DNM2: variants seen among roughly 807,000 people sequenced by gnomAD.
DNM2 encodes the protein dynamin-2.
A neutral mutation model predicts 99.0 loss-of-function variants in DNM2; 15 were observed. The observed-to-expected ratio is 0.15, with a 90% CI of 0.10 to 0.23. DNM2 has a LOEUF of 0.23. Ranked by LOEUF, DNM2 falls within the 10% of genes least tolerant of loss-of-function variation. The pLI, the probability that DNM2 is intolerant of heterozygous loss-of-function variation, is 1.00. For missense variants in DNM2, 742 were observed against 1,189.4 expected (o/e 0.62, Z 5.53); for synonymous variants, 525 against 481.2 (o/e 1.09, Z -1.19).
At chr19:10,771,149 A>G (rs2070963640) in intron 2 of DNM2, among the ~76,000 whole-genome samples, 1 of 152,154 alleles carries the variant, frequency 6.6e-6, no homozygotes, top group Admixed American at 6.5e-5. Flanking sequence ...CTTTGGGGAT[A>G]TCCCCTCCCC....
At chr19:10,724,121 AGGATC>A (rs1021186052) in intron 1 of DNM2, among the ~76,000 whole-genome samples, 1 of 144,862 alleles carries the variant, frequency 6.9e-6, no homozygotes, top group Non-Finnish European at 1.5e-5. Context: ...GATGGAAAAA[AGGATC>A]AAGGAGCAGG....
intron 7 of DNM2, among the ~76,000 whole-genome samples, chr19:10,787,808 A>T (rs1426067856): frequency 2.0e-5 from 3 of 151,440 alleles, no homozygotes; most frequent in Non-Finnish European, 4.4e-5. Context: ...ACATGCCTGT[A>T]ATCCCAGCTA....
chr19:10,831,533 C>G lies in DNM2; in HGVS notation c.*486C>G. On this transcript the variant is annotated 3_prime_UTR_variant, in exon 21 of 21. Coordinates refer to ENST00000389253, the MANE Select transcript of DNM2 (RefSeq NM_001005361.3). This position sits in a 1 kb window ranked among gnomAD's most constrained non-coding sequence, Gnocchi z 4.3. ...CTGGCCCAGTGGGCTCGGTAGTGCC[C>G]AGCTGGCAGGCCTGAGGTGTACATA... 1.0e-6 allele frequency: 1 copy of G among 986,874 alleles called. No homozygotes were observed. Among genetic ancestry groups the G allele is most frequent in the Non-Finnish European group, 1.2e-6 (1 of 830,656 alleles). 61.1% of individuals were successfully genotyped at this position (986,874 alleles called of 1,614,324 possible).
rs570774479 is a variant in DNM2, at chr19:10,831,232, A to C, written c.*185A>C. On this transcript the variant is annotated 3_prime_UTR_variant, in exon 21 of 21. Transcript: ENST00000389253. This position sits in a 1 kb window ranked among gnomAD's most constrained non-coding sequence, Gnocchi z 4.3. ...TGCCTGGCTGGACACCGCACTGCGCAAAGGGGCCCTGGAGCTCCAGGCAGG... is the reference window on the plus strand; with the variant it reads ...TGCCTGGCTGGACACCGCACTGCGCCAAGGGGCCCTGGAGCTCCAGGCAGG... The C allele has an allele frequency of 2.0e-3, 2,749 of 1,344,100 alleles. 2 individuals are homozygous for C. Among genetic ancestry groups the C allele is most frequent in the Non-Finnish European group, 2.4e-3 (2,527 of 1,052,122 alleles). The allele number at this position is 1,344,100 out of a possible 1,614,324, so 83.3% of individuals were successfully genotyped here.
intron 1 of DNM2, among the ~76,000 whole-genome samples, chr19:10,721,279 C>T (rs1191593137): frequency 6.6e-6 from 1 of 152,172 alleles, no homozygotes; most frequent in African/African-American, 2.4e-5. Flanking sequence ...ACCTCAGCCT[C>T]CCGAGTAGCT....
chr19:10,812,601 A>G lies in DNM2; in HGVS notation c.1671+224A>G, dbSNP rs1358898268. 6.6e-6 allele frequency among the ~76,000 whole-genome samples: 1 copy of G among 152,174 alleles called. No homozygotes were observed. Among genetic ancestry groups the G allele is most frequent in the Non-Finnish European group, 1.5e-5 (1 of 68,028 alleles). On this transcript the variant is annotated intron_variant, in intron 15 of 20. Coordinates refer to ENST00000389253, the MANE Select transcript of DNM2 (RefSeq NM_001005361.3). The surrounding 1 kb of genome is among the most constrained non-coding windows in gnomAD (Gnocchi z 4.0). ...CGGGAGTTTGAGACCAGCCTGGCCA[A>G]CATGATGAAACCCCGTCTCTACTAA...
chr19:10,827,524 G>A (rs1021608219), intron 18 of DNM2, among the ~76,000 whole-genome samples: 5 of 151,602 alleles, frequency 3.3e-5, no homozygotes, highest in African/African-American at 1.2e-4. Flanking sequence ...AGCAAAGATC[G>A]CTCCACTGCA....
At chr19:10,738,659 G>C (rs79349956) in intron 1 of DNM2, among the ~76,000 whole-genome samples, 15,776 of 151,366 alleles carry the variant, frequency 0.1, 1,266 homozygotes, top group East Asian at 0.37. Flanking sequence ...GTCAGGAGTT[G>C]AAGACCATCC....
At chr19:10,776,429 G>A (rs2071156706) in intron 4 of DNM2, among the ~76,000 whole-genome samples, 1 of 152,128 alleles carries the variant, frequency 6.6e-6, no homozygotes. Flanking sequence ...GAGCAGGAAG[G>A]GGCCCCAGGG....
At chr19:10,726,799 G>A (rs550400655) in intron 1 of DNM2, among the ~76,000 whole-genome samples, 2 of 152,270 alleles carry the variant, frequency 1.3e-5, no homozygotes, top group South Asian at 2.1e-4. Context: ...GGGGACGGAG[G>A]TTGCGGTAAG....
chr19:10,797,935 T>C lies in DNM2; in HGVS notation c.1335+417T>C, dbSNP rs546460023. On this transcript the variant is annotated intron_variant, in intron 10 of 20. Coordinates refer to ENST00000389253, the MANE Select transcript of DNM2 (RefSeq NM_001005361.3). ...TGGACTTGACCCACACTGCAGAAGA[T>C]GGGACTCCCCTGTGCATGAGGTCTG... 2.0e-5 allele frequency among the ~76,000 whole-genome samples: 3 copies of C among 152,182 alleles called. No homozygotes were observed. The South Asian group carries it at 6.2e-4, about 32-fold the overall frequency.
At position 10,742,270 on chromosome 19, in the gene DNM2, A is replaced by G. The variant is rs78946126; in HGVS notation, c.162-17468A>G. On this transcript the variant is annotated intron_variant, in intron 1 of 20. Transcript: ENST00000389253. ...GAAGTGGATTTAGAGTGATGTTGCC[A>G]GGCCCACCAGGAAAGGCTGTGCCAA... 3.6e-3 allele frequency among the ~76,000 whole-genome samples: 549 copies of G among 152,266 alleles called. 4 individuals are homozygous for G. Among genetic ancestry groups the G allele is most frequent in the African/African-American group, 0.012 (499 of 41,566 alleles).
intron 5 of DNM2, chr19:10,780,280 TG>T (rs1453240952): frequency 6.5e-6 from 1 of 153,458 alleles, no homozygotes; most frequent in Non-Finnish European, 1.5e-5. Context: ...GGGGAGGATT[TG>T]CTGGTGCTAG....
rs1457406528 is a variant in DNM2, at chr19:10,796,389, G to A, written c.1196+950G>A. 6.6e-6 allele frequency among the ~76,000 whole-genome samples: 1 copy of A among 152,146 alleles called. No homozygotes were observed. The highest frequency in any genetic ancestry group is 1.5e-5 in the Non-Finnish European group (1 of 68,018). ...GTAGGCCTGGGCCCAGGCACACAGG[G>A]GAGTGCCAGGCCTCCTGGACTGGCC... On this transcript the variant is annotated intron_variant, in intron 9 of 20. Coordinates refer to ENST00000389253, the MANE Select transcript of DNM2 (RefSeq NM_001005361.3). The surrounding 1 kb of genome is among the most constrained non-coding windows in gnomAD (Gnocchi z 5.6).
Position 10,795,657 on chromosome 19 carries a change from T to C in DNM2, c.1196+218T>C, listed in dbSNP as rs1039477455. On this transcript the variant is annotated intron_variant, in intron 9 of 20. Coordinates refer to ENST00000389253, the MANE Select transcript of DNM2 (RefSeq NM_001005361.3). The surrounding 1 kb of genome is among the most constrained non-coding windows in gnomAD (Gnocchi z 4.2). ...GTCCATTGCAGGCTTCAGGGCTGTCTGCAGCTCCTGATCAAATAGGGCTTA... is the reference window on the plus strand; with the variant it reads ...GTCCATTGCAGGCTTCAGGGCTGTCCGCAGCTCCTGATCAAATAGGGCTTA... 6 of 606,034 alleles carry C rather than the reference T, an allele frequency of 9.9e-6. No homozygotes were observed. The allele number at this position is 606,034 out of a possible 1,614,324, so 37.5% of individuals were successfully genotyped here.
rs537329060 is a variant in DNM2, at chr19:10,785,326, A to G, written c.850-1238A>G. Among the ~76,000 whole-genome samples the G allele has an allele frequency of 1.1e-4, 16 of 142,354 alleles. No homozygotes were observed. In the South Asian group the frequency reaches 2.4e-3, roughly 22 times the overall value. 93.4% of individuals were successfully genotyped at this position (142,354 alleles called of 152,430 possible). On this transcript the variant is annotated intron_variant, in intron 6 of 20. Coordinates refer to ENST00000389253, the MANE Select transcript of DNM2 (RefSeq NM_001005361.3). Reference sequence around the variant, plus strand: ...GTATTTTTAGTAGAGACGGGGTTTCACCGTGTTAGCTGGGATGGTCTTGAT... The same window carrying G: ...GTATTTTTAGTAGAGACGGGGTTTCGCCGTGTTAGCTGGGATGGTCTTGAT...
At chr19:10,789,710 T>G (rs781464040) in intron 7 of DNM2, among the ~76,000 whole-genome samples, 1 of 152,104 alleles carries the variant, frequency 6.6e-6, no homozygotes, top group Non-Finnish European at 1.5e-5. Flanking sequence ...GGTGGGCACC[T>G]GTAGTCCCAG....
At chr19:10,719,587 C>T (rs1359678571) in intron 1 of DNM2, among the ~76,000 whole-genome samples, 2 of 152,180 alleles carry the variant, frequency 1.3e-5, no homozygotes, top group South Asian at 2.1e-4. Context: ...CCACCTCTCC[C>T]TCCCACCAAC....
At chr19:10,718,501 G>C in intron 1 of DNM2, 98 bp downstream of exon 1, 2 of 1,259,816 alleles carry the variant, frequency 1.6e-6, no homozygotes, top group Non-Finnish European at 2.0e-6. Flanking sequence ...TAACTGCGGC[G>C]CTTGCGTGCC....
Sources: gnomAD v4.1 joint callset for allele counts (sites outside exome capture counted in the v4.1 genomes callset) on GRCh38, gnomAD v4.1.1 for gene constraint, Gnocchi (gnomAD v3.1) non-coding constraint, MANE v1.5 for transcripts, NCBI Gene and HGNC (gene_info 2026-07-23, HGNC 2026-07-21) for gene names.